SLC35F3: variants seen among roughly 807,000 people sequenced by gnomAD.
The protein encoded by SLC35F3 is putative thiamine transporter SLC35F3.
In SLC35F3, 25 loss-of-function variants were observed where a neutral mutation model predicts 49.9. The observed-to-expected ratio is 0.50, with a 90% CI of 0.37 to 0.70. The LOEUF is 0.70. Ranked by LOEUF, SLC35F3 falls within the 30% of genes least tolerant of loss-of-function variation. The pLI, the probability that SLC35F3 is intolerant of heterozygous loss-of-function variation, is 0.00. For missense variants in SLC35F3, 525 were observed against 639.8 expected, an observed-to-expected ratio of 0.82 and a Z score of 1.94; for synonymous variants, 275 against 265.4, an observed-to-expected ratio of 1.04 and a Z score of -0.35.
At chr1:234,298,590 CTAAGTA>C (rs960824199) in intron 3 of SLC35F3, among the ~76,000 whole-genome samples, 4 of 152,150 alleles carry the variant, frequency 2.6e-5, no homozygotes, top group African/African-American at 9.7e-5. Context: ...TCAGAATCTC[CTAAGTA>C]TATTTTAAAA....
At chr1:234,168,932 A>G (rs948290839) in intron 2 of SLC35F3, among the ~76,000 whole-genome samples, 41 of 152,154 alleles carry the variant, frequency 2.7e-4, no homozygotes, top group Admixed American at 1.2e-3. Context: ...ATTGGCTTAC[A>G]TGGTTATGGA....
intron 3 of SLC35F3, among the ~76,000 whole-genome samples, chr1:234,281,004 C>A (rs1428251196): frequency 6.6e-6 from 1 of 152,124 alleles, no homozygotes; most frequent in African/African-American, 2.4e-5. Flanking sequence ...GCATGCCTTC[C>A]TAAAGGCGGG....
At chr1:234,257,607 C>G (rs1260464908) in intron 3 of SLC35F3, among the ~76,000 whole-genome samples, 1 of 152,184 alleles carries the variant, frequency 6.6e-6, no homozygotes, top group Non-Finnish European at 1.5e-5. Flanking sequence ...TGCATTATAG[C>G]TGGTTCATTA....
chr1:234,193,421 C>T (rs1300869834), intron 2 of SLC35F3, among the ~76,000 whole-genome samples: 1 of 152,088 alleles, frequency 6.6e-6, no homozygotes, highest in East Asian at 1.9e-4. Context: ...ATCTTCATCT[C>T]TCACCTTACA....
At chr1:234,303,637 A>T (rs1385533807) in intron 3 of SLC35F3, among the ~76,000 whole-genome samples, 3 of 152,134 alleles carry the variant, frequency 2.0e-5, no homozygotes, top group Admixed American at 1.3e-4. Context: ...TGGAAAAAAA[A>T]TTTTCCTTCA....
chr1:233,961,900 A>C (rs1236354080), intron 2 of SLC35F3, among the ~76,000 whole-genome samples: 2 of 152,236 alleles, frequency 1.3e-5, no homozygotes, highest in Non-Finnish European at 2.9e-5. Flanking sequence ...AACAGTGGGC[A>C]ACGTGGCAAT....
At chr1:234,263,433 A>G (rs959793348) in intron 3 of SLC35F3, among the ~76,000 whole-genome samples, 1 of 152,230 alleles carries the variant, frequency 6.6e-6, no homozygotes, top group Non-Finnish European at 1.5e-5. Flanking sequence ...AATCTTAGGT[A>G]AAATTCATCT....
intron 2 of SLC35F3, among the ~76,000 whole-genome samples, chr1:234,113,787 C>G (rs908687199): frequency 2.0e-5 from 3 of 152,140 alleles, no homozygotes; most frequent in Non-Finnish European, 2.9e-5. Flanking sequence ...TGCTTGAACC[C>G]GGGAGGTGGA....
At chr1:234,311,997 C>T (rs1038107136) in intron 4 of SLC35F3, among the ~76,000 whole-genome samples, 1 of 152,216 alleles carries the variant, frequency 6.6e-6, no homozygotes, top group Non-Finnish European at 1.5e-5. Context: ...TAAAACTCAA[C>T]AAATGGTATC....
intron 2 of SLC35F3, among the ~76,000 whole-genome samples, chr1:234,151,094 C>T (rs1666069263): frequency 6.6e-6 from 1 of 152,088 alleles, no homozygotes; most frequent in Admixed American, 6.5e-5. Context: ...GAGCTCCCTC[C>T]TGGGATGGGG....
chr1:234,314,161 C>T (rs1008529883), intron 4 of SLC35F3, among the ~76,000 whole-genome samples: 2 of 152,162 alleles, frequency 1.3e-5, no homozygotes, highest in African/African-American at 4.8e-5. Flanking sequence ...CAGAGTCCCC[C>T]GCCTGCCTGT....
At chr1:233,961,455 CT>C (rs35494872) in intron 2 of SLC35F3, among the ~76,000 whole-genome samples, 3,381 of 130,376 alleles carry the variant, frequency 0.026, 112 homozygotes, top group African/African-American at 0.082. Context: ...TTTTTCCTCT[CT>C]TTTTTTTTTT....
Position 234,123,572 on chromosome 1 carries a change from G to C in SLC35F3, c.284-107845G>C, listed in dbSNP as rs376914241. On this transcript the variant is annotated intron_variant, in intron 2 of 7. Transcript: ENST00000366618. ...CTACAGGCGTGTGCCACCATGCCTG[G>C]TTAATTTTTTTTTTTTTGTATTTTT... Among the ~76,000 whole-genome samples, 576 of 108,328 alleles carry C rather than the reference G, an allele frequency of 5.3e-3. 2 individuals are homozygous for C. Among genetic ancestry groups the C allele is most frequent in the South Asian group, 0.024 (61 of 2,552 alleles). The allele number at this position is 108,328 out of a possible 152,430, so 71.1% of individuals were successfully genotyped here.
chr1:233,975,354 A>T (rs991249292), intron 2 of SLC35F3, among the ~76,000 whole-genome samples: 1 of 152,242 alleles, frequency 6.6e-6, no homozygotes, highest in African/African-American at 2.4e-5. Flanking sequence ...GGAACCCTCC[A>T]TGTTACTGAG....
At chr1:233,941,425 A>G (rs1032803861) in intron 2 of SLC35F3, among the ~76,000 whole-genome samples, 9 of 152,330 alleles carry the variant, frequency 5.9e-5, no homozygotes, top group Middle Eastern at 3.4e-3. Context: ...TACTGATTTC[A>G]TGTGAATCTC....
At chr1:234,148,641 G>A (rs781489897) in intron 2 of SLC35F3, among the ~76,000 whole-genome samples, 7 of 152,284 alleles carry the variant, frequency 4.6e-5, no homozygotes, top group East Asian at 3.9e-4. Flanking sequence ...GACATCACTC[G>A]ATTTACATTT....
chr1:234,134,276 T>C (rs1441782464), intron 2 of SLC35F3, among the ~76,000 whole-genome samples: 1 of 148,526 alleles, frequency 6.7e-6, no homozygotes, highest in Non-Finnish European at 1.5e-5. Flanking sequence ...ATTAATTATA[T>C]ATTAATTGTA....
intron 2 of SLC35F3, among the ~76,000 whole-genome samples, chr1:233,972,322 T>C (rs1024634364): frequency 6.6e-6 from 1 of 152,218 alleles, no homozygotes; most frequent in African/African-American, 2.4e-5. Flanking sequence ...GCATCAAGCA[T>C]ATTTTACATG....
At chr1:234,198,608 G>GT (rs35947104) in intron 2 of SLC35F3, among the ~76,000 whole-genome samples, 122,340 of 151,892 alleles carry the variant, frequency 0.81, 50,122 homozygotes, top group East Asian at 0.99. Flanking sequence ...ACCTCATTGT[G>GT]TTTTTTTAAA....
Sources: gnomAD v4.1 joint callset for allele counts (sites outside exome capture counted in the v4.1 genomes callset) on GRCh38, gnomAD v4.1.1 for gene constraint, MANE v1.5 for transcripts, NCBI Gene and HGNC (gene_info 2026-07-23, HGNC 2026-07-21) for gene names.